CFAP300: variants seen among roughly 807,000 people sequenced by gnomAD.
CFAP300 encodes cilia- and flagella-associated protein 300.
A neutral mutation model predicts 33.0 loss-of-function variants in CFAP300; 32 were observed. The observed-to-expected ratio is 0.97, with a 90% CI of 0.73 to 1.30. The LOEUF is 1.30. Ranked by LOEUF, CFAP300 falls within the 50% of genes most tolerant of loss-of-function variation. The pLI, the probability that CFAP300 is intolerant of heterozygous loss-of-function variation, is 0.00. For missense variants in CFAP300, 356 were observed against 318.1 expected (o/e 1.12, Z -0.90); for synonymous variants, 102 against 106.8 (o/e 0.95, Z 0.28).
intron 6 of CFAP300, among the ~76,000 whole-genome samples, chr11:102,082,674 G>T (rs895035841): frequency 6.6e-6 from 1 of 152,114 alleles, no homozygotes; most frequent in African/African-American, 2.4e-5. Context: ...CAAATATATT[G>T]ATTATCACTT....
chr11:102,073,320 G>A lies in CFAP300; in HGVS notation c.436-2553G>A, dbSNP rs376413124. Among the ~76,000 whole-genome samples, 11 of 152,302 alleles carry A rather than the reference G, an allele frequency of 7.2e-5. No individual in the cohort carries two copies. In the East Asian group the frequency reaches 1.7e-3, roughly 24 times the overall value. On this transcript the variant is annotated intron_variant, in intron 4 of 6. Transcript: ENST00000434758. ...GGCCCCCAGGGAGCAAGTATGGGTGGGTTCCAGCTGCTATGGTGGTAGCCA... is the reference window on the plus strand; with the variant it reads ...GGCCCCCAGGGAGCAAGTATGGGTGAGTTCCAGCTGCTATGGTGGTAGCCA...
intron 2 of CFAP300, among the ~76,000 whole-genome samples, chr11:102,053,776 TG>T (rs1245049167): frequency 6.6e-6 from 1 of 152,212 alleles, no homozygotes; most frequent in Non-Finnish European, 1.5e-5. Context: ...ATCAAAATAC[TG>T]ATCAAGATCT....
At chr11:102,055,270 C>T (rs1942034464) in intron 2 of CFAP300, among the ~76,000 whole-genome samples, 1 of 151,904 alleles carries the variant, frequency 6.6e-6, no homozygotes. Flanking sequence ...TGAGTCACCG[C>T]ACCCGGCCTA....
At chr11:102,072,180 T>A (rs998391485) in intron 4 of CFAP300, among the ~76,000 whole-genome samples, 2 of 151,972 alleles carry the variant, frequency 1.3e-5, no homozygotes, top group East Asian at 3.9e-4. Flanking sequence ...ATTCTTTTTC[T>A]CTTTTTTTTT....
intron 2 of CFAP300, among the ~76,000 whole-genome samples, chr11:102,056,617 T>C (rs1186418545): frequency 2.6e-5 from 4 of 152,000 alleles, no homozygotes; most frequent in Non-Finnish European, 5.9e-5. Flanking sequence ...GTTTGTTTTT[T>C]GGGTTTTTTG....
chr11:102,067,788 T>G (rs890227040), intron 4 of CFAP300, among the ~76,000 whole-genome samples: 3 of 152,172 alleles, frequency 2.0e-5, no homozygotes, highest in African/African-American at 7.2e-5. Context: ...GCACCTGTGG[T>G]TCCAGCTACT....
rs185843898 is a variant in CFAP300, at chr11:102,083,469, A to G, written c.*270A>G. On this transcript the variant is annotated 3_prime_UTR_variant, in exon 7 of 7. Coordinates refer to ENST00000434758, the MANE Select transcript of CFAP300 (RefSeq NM_032930.3). ...ACAAGGAATTAGAAATCTAGTTCAT[A>G]TTTGTTGCATTGTGATTCAAGTGAA... 4.9e-6 allele frequency: 1 copy of G among 202,154 alleles called. No homozygotes were observed. Among genetic ancestry groups the G allele is most frequent in the African/African-American group, 2.3e-5 (1 of 43,492 alleles). 12.5% of individuals were successfully genotyped at this position (202,154 alleles called of 1,614,324 possible). A position where few individuals can be genotyped will look rare whatever the true frequency, so the allele number is the denominator to read the frequency against.
At chr11:102,068,033 T>A in intron 4 of CFAP300, among the ~76,000 whole-genome samples, 1 of 152,368 alleles carries the variant, frequency 6.6e-6, no homozygotes, top group East Asian at 1.9e-4. Flanking sequence ...TCTTTGTCAC[T>A]TAGTAACTGA....
chr11:102,067,787 G>T (rs1051448749), intron 4 of CFAP300, among the ~76,000 whole-genome samples: 1 of 152,126 alleles, frequency 6.6e-6, no homozygotes, highest in Admixed American at 6.6e-5. Context: ...CGCACCTGTG[G>T]TTCCAGCTAC....
chr11:102,047,943 A>T (rs1941909440), intron 2 of CFAP300, 47 bp downstream of exon 2: 1 of 1,583,146 alleles, frequency 6.3e-7, no homozygotes, highest in African/African-American at 1.3e-5. Flanking sequence ...CGGATTTTTA[A>T]ACTTCCCCCC....
At chr11:102,056,455 TTCACCAAAAG>T (rs1289212230) in intron 2 of CFAP300, among the ~76,000 whole-genome samples, 1 of 152,186 alleles carries the variant, frequency 6.6e-6, no homozygotes, top group Non-Finnish European at 1.5e-5. Context: ...TTCTGGTGCT[TTCACCAAAAG>T]TTACCAGTCT....
intron 3 of CFAP300, among the ~76,000 whole-genome samples, chr11:102,063,796 G>C (rs1382850780): frequency 6.6e-6 from 1 of 152,194 alleles, no homozygotes; most frequent in Middle Eastern, 3.2e-3. Flanking sequence ...TGCAGCCTGG[G>C]TGACAGAGTG....
intron 2 of CFAP300, among the ~76,000 whole-genome samples, chr11:102,056,265 C>G (rs1167574820): frequency 1.3e-5 from 2 of 152,154 alleles, no homozygotes; most frequent in Non-Finnish European, 2.9e-5. Context: ...ACAAACCATA[C>G]TATATTAAAA....
Position 102,083,104 on chromosome 11 carries a change from A to C in CFAP300, c.709A>C (p.Asn237His), listed in dbSNP as rs1305757495. Reference protein sequence around the residue: ...SAGMCYPSAKNHEQTFSYFIV... With the variant: ...SAGMCYPSAKHHEQTFSYFIV... Reference sequence around the variant, plus strand: ...TGGTATGTGCTATCCTTCAGCAAAGAATCATGAACAGACATTTTCTTACTT... The same window carrying C: ...TGGTATGTGCTATCCTTCAGCAAAGCATCATGAACAGACATTTTCTTACTT... The change falls in exon 7 of 7, where the codon AAT becomes CAT. Residue 237 changes from asparagine to histidine, a missense_variant. Transcript: ENST00000434758. 1 of 1,530,646 alleles carries C rather than the reference A, an allele frequency of 6.5e-7. No individual in the cohort carries two copies. The highest frequency in any genetic ancestry group is 1.4e-5 in the African/African-American group (1 of 71,968). The allele number at this position is 1,530,646 out of a possible 1,614,324, so 94.8% of individuals were successfully genotyped here.
At position 102,083,073 on chromosome 11, in the gene CFAP300, T is replaced by A; in HGVS notation, c.678T>A (p.Asp226Glu). Residue 226 changes from aspartate (D) to glutamate (E), a missense_variant and splice_region_variant, in exon 7 of 7, where the codon GAT (aspartate) becomes GAA (glutamate). Coordinates refer to ENST00000434758, the MANE Select transcript of CFAP300 (RefSeq NM_032930.3). Reference sequence around the variant, plus strand: ...TAATTTAGGTTTGTCTTTTTCAGGATTCTGCTGGTATGTGCTATCCTTCAG... The same window carrying A: ...TAATTTAGGTTTGTCTTTTTCAGGAATCTGCTGGTATGTGCTATCCTTCAG... ...TSSVFKVSAYDSAGMCYPSAK... is the reference protein window; with the variant it reads ...TSSVFKVSAYESAGMCYPSAK... 1 of 1,411,434 alleles carries A rather than the reference T, an allele frequency of 7.1e-7. No individual in the cohort carries two copies. The highest frequency in any genetic ancestry group is 9.3e-7 in the Non-Finnish European group (1 of 1,078,964). 87.4% of individuals were successfully genotyped at this position (1,411,434 alleles called of 1,614,324 possible).
chr11:102,076,873 G>C (rs1313112874), intron 5 of CFAP300, among the ~76,000 whole-genome samples: 1 of 152,074 alleles, frequency 6.6e-6, no homozygotes, highest in African/African-American at 2.4e-5. Flanking sequence ...ACAGAAAAAT[G>C]TTTCTATAAT....
Position 102,083,131 on chromosome 11 carries a change from A to G in CFAP300, c.736A>G (p.Ile246Val), listed in dbSNP as rs1942500060. 1.3e-6 allele frequency: 2 copies of G among 1,569,354 alleles called. No individual in the cohort carries two copies. Among genetic ancestry groups the G allele is most frequent in the Non-Finnish European group, 1.7e-6 (2 of 1,155,628 alleles). ...TCATGAACAGACATTTTCTTACTTT[A>G]TTGTGGATCCTATCAGGCGTCACCT... ...KNHEQTFSYF[I>V]VDPIRRHLHV... The change falls in exon 7 of 7, where the codon ATT (isoleucine) becomes GTT (valine). Residue 246 changes from isoleucine to valine, a missense_variant. By Grantham distance (29) the Ile-to-Val change is conservative. Coordinates refer to ENST00000434758, the MANE Select transcript of CFAP300 (RefSeq NM_032930.3).
chr11:102,083,318 T>C lies in CFAP300; in HGVS notation c.*119T>C. 1 of 812,936 alleles carries C rather than the reference T, an allele frequency of 1.2e-6. No individual in the cohort carries two copies. The highest frequency in any genetic ancestry group is 1.7e-6 in the Non-Finnish European group (1 of 605,622). The allele number at this position is 812,936 out of a possible 1,614,324, so 50.4% of individuals were successfully genotyped here. On this transcript the variant is annotated 3_prime_UTR_variant, in exon 7 of 7. Transcript: ENST00000434758. ...TTCAAGAAAAATGTAAGGAGCCTACTTAGAGCAGAAGAAAGCAAACACCAA... is the reference window on the plus strand; with the variant it reads ...TTCAAGAAAAATGTAAGGAGCCTACCTAGAGCAGAAGAAAGCAAACACCAA...
chr11:102,062,681 A>G (rs1183228583), intron 3 of CFAP300, among the ~76,000 whole-genome samples: 1 of 152,240 alleles, frequency 6.6e-6, no homozygotes, highest in Non-Finnish European at 1.5e-5. Flanking sequence ...TTAACCAAAA[A>G]TGAACAAACA....
Sources: allele counts gnomAD v4.1 joint callset (sites outside exome capture counted in the v4.1 genomes callset), GRCh38; gene constraint gnomAD v4.1.1; transcripts MANE v1.5; gene names NCBI Gene and HGNC (gene_info 2026-07-23, HGNC 2026-07-21).